Variants in NIPAL3 observed in about 807,000 individuals in gnomAD.
The protein encoded by NIPAL3 is NIPA-like protein 3.
A neutral mutation model predicts 47.2 loss-of-function variants in NIPAL3; 41 were observed. That is an observed-to-expected ratio of 0.87 (90% confidence interval 0.68 to 1.13). The LOEUF (loss-of-function observed/expected upper bound fraction) is 1.13, where lower values mean the gene tolerates loss of function less well. Ranked by LOEUF, NIPAL3 falls within the 50% of genes most tolerant of loss-of-function variation. The pLI, the probability that NIPAL3 is intolerant of heterozygous loss-of-function variation, is 0.00. For missense variants in NIPAL3, 449 were observed against 530.1 expected, an observed-to-expected ratio of 0.85 and a Z score of 1.50; for synonymous variants, 194 against 209.6, an observed-to-expected ratio of 0.93 and a Z score of 0.64.
At chr1:24,447,933 C>G (rs1645749001) in intron 5 of NIPAL3, among the ~76,000 whole-genome samples, 1 of 152,236 alleles carries the variant, frequency 6.6e-6, no homozygotes, top group South Asian at 2.1e-4. Flanking sequence ...CCTGGAGTTC[C>G]ATTACATTCA....
At chr1:24,447,697 G>A (rs923154990) in intron 5 of NIPAL3, among the ~76,000 whole-genome samples, 1 of 152,248 alleles carries the variant, frequency 6.6e-6, no homozygotes, top group Non-Finnish European at 1.5e-5. Flanking sequence ...CACTATAGAA[G>A]TTTGCATCCC....
rs1644206710 is a variant in NIPAL3 at position 24,419,349 on chromosome 1, T to C, written c.-199T>C. 1 of 1,278,088 alleles carries C rather than the reference T, an allele frequency of 7.8e-7. No homozygotes were observed. Among genetic ancestry groups the C allele is most frequent in the Non-Finnish European group, 9.9e-7 (1 of 1,013,880 alleles). 79.2% of individuals were successfully genotyped at this position (1,278,088 alleles called of 1,614,324 possible). On this transcript the variant is annotated 5_prime_UTR_variant, in exon 2 of 12. Transcript: ENST00000374399. ...TGTCTGCCTGGGAGAGCCACGGAAA[T>C]TGGCACTTCTCTGAGTGAAGCTGAG...
chr1:24,442,863 G>C (rs1472711881), intron 4 of NIPAL3, among the ~76,000 whole-genome samples: 1 of 152,198 alleles, frequency 6.6e-6, no homozygotes, highest in Non-Finnish European at 1.5e-5. Flanking sequence ...CTAGCTACTT[G>C]GGAAACAGAA....
At chr1:24,450,029 C>T (rs777888611) in intron 6 of NIPAL3, among the ~76,000 whole-genome samples, 4 of 152,140 alleles carry the variant, frequency 2.6e-5, no homozygotes, top group Non-Finnish European at 5.9e-5. Flanking sequence ...CCTCAAGTGC[C>T]CCCCAGCAGT....
At chr1:24,453,682 T>G (rs1377378329) in intron 7 of NIPAL3, among the ~76,000 whole-genome samples, 178 bp downstream of exon 7, 1 of 152,050 alleles carries the variant, frequency 6.6e-6, no homozygotes, top group Non-Finnish European at 1.5e-5. Flanking sequence ...GGAGGCAAAC[T>G]CCTGTGCTCC....
Position 24,425,318 on chromosome 1 carries a change from G to T in NIPAL3, c.93+5678G>T, listed in dbSNP as rs1253947011. 4.3e-5 allele frequency among the ~76,000 whole-genome samples: 6 copies of T among 139,064 alleles called. No individual in the cohort carries two copies. The East Asian group carries it at 1.2e-3, about 29-fold the overall frequency. The allele number at this position is 139,064 out of a possible 152,430, so 91.2% of individuals were successfully genotyped here. A position where few individuals can be genotyped will look rare whatever the true frequency, so the allele number is the denominator to read the frequency against. ...TAAAACATTATGAGATTTTTTTTGCGATTTTTTTTAAGCTCATCAGTGGCT... is the reference window on the plus strand; with the variant it reads ...TAAAACATTATGAGATTTTTTTTGCTATTTTTTTTAAGCTCATCAGTGGCT... On this transcript the variant is annotated intron_variant, in intron 2 of 11. Transcript: ENST00000374399.
In NIPAL3 at chr1:24,416,599, G is replaced by T. The variant is rs1482718536; in HGVS notation, c.-258+695G>T. On this transcript the variant is annotated intron_variant, in intron 1 of 11. Transcript: ENST00000374399. This position sits in a 1 kb window ranked among gnomAD's most constrained non-coding sequence, Gnocchi z 4.8. ...TAGTGAATTCTCATTCCTTCCTTGG[G>T]TCAGTGACCACGTGCTCTAATTGTG... 1 of 152,888 alleles carries T rather than the reference G, an allele frequency of 6.5e-6. No individual in the cohort carries two copies. Among genetic ancestry groups the T allele is most frequent in the East Asian group, 1.9e-4 (1 of 5,198 alleles). 9.5% of individuals were successfully genotyped at this position (152,888 alleles called of 1,614,324 possible). A position where few individuals can be genotyped will look rare whatever the true frequency, so the allele number is the denominator to read the frequency against.
At chr1:24,465,904 C>G (rs1646678156) in intron 11 of NIPAL3, 2 of 1,422,800 alleles carry the variant, frequency 1.4e-6, no homozygotes, top group Admixed American at 3.0e-5. Context: ...GTAGAACATG[C>G]AGAATAAAAC....
chr1:24,418,450 C>A (rs543763208), intron 1 of NIPAL3, among the ~76,000 whole-genome samples: 1 of 151,872 alleles, frequency 6.6e-6, no homozygotes, highest in Non-Finnish European at 1.5e-5. Flanking sequence ...GATAACATGG[C>A]GAAACCCTGT....
chr1:24,418,709 C>A (rs527506262), intron 1 of NIPAL3, among the ~76,000 whole-genome samples: 4 of 152,272 alleles, frequency 2.6e-5, no homozygotes, highest in Admixed American at 2.0e-4. Flanking sequence ...TTATTACCCC[C>A]ACTTTACAGA....
In NIPAL3 at chr1:24,460,542, G is replaced by A; in HGVS notation, c.924G>A (p.Leu308=). ...TGCTGCACATCTGCATGTTTGCACT[G>A]GGGTGAGTTCTGTCCTGCTTGCCAG... The part of the protein sequence containing the change: ...EDVLHICMFA[L]GCLIAFLGVF... The change falls in exon 10 of 12, where the codon CTG becomes CTA. Residue 308 remains leucine, a splice_region_variant and synonymous_variant. Coordinates refer to ENST00000374399, the MANE Select transcript of NIPAL3 (RefSeq NM_020448.5). 6.3e-7 allele frequency: 1 copy of A among 1,580,284 alleles called. No homozygotes were observed. Among genetic ancestry groups the A allele is most frequent in the Non-Finnish European group, 8.6e-7 (1 of 1,167,624 alleles).
At chr1:24,447,448 C>A (rs1352464099) in intron 5 of NIPAL3, among the ~76,000 whole-genome samples, 1 of 151,812 alleles carries the variant, frequency 6.6e-6, no homozygotes, top group Admixed American at 6.6e-5. Context: ...GAGAAAATTT[C>A]CAAGATGTTG....
intron 2 of NIPAL3, among the ~76,000 whole-genome samples, chr1:24,423,378 C>A (rs749663893): frequency 1.3e-5 from 2 of 152,192 alleles, no homozygotes; most frequent in Non-Finnish European, 2.9e-5. Flanking sequence ...GAGGCACTCA[C>A]GCCTGTAATC....
chr1:24,435,087 T>C (rs1166337854), intron 2 of NIPAL3, among the ~76,000 whole-genome samples: 1 of 152,064 alleles, frequency 6.6e-6, no homozygotes, highest in African/African-American at 2.4e-5. Flanking sequence ...GAATTCAGAG[T>C]CCAGAAATTA....
At chr1:24,452,175 A>G (rs1205545201) in intron 6 of NIPAL3, among the ~76,000 whole-genome samples, 2 of 152,098 alleles carry the variant, frequency 1.3e-5, no homozygotes, top group Non-Finnish European at 2.9e-5. Context: ...ACTTCTTGGG[A>G]AAGTGTTAGC....
Position 24,454,501 on chromosome 1 carries a change from A to G in NIPAL3, c.637+997A>G. 2.0e-6 allele frequency: 2 copies of G among 992,112 alleles called. No homozygotes were observed. Among genetic ancestry groups the G allele is most frequent in the South Asian group, 9.0e-5 (2 of 22,178 alleles). The allele number at this position is 992,112 out of a possible 1,614,324, so 61.5% of individuals were successfully genotyped here. On this transcript the variant is annotated intron_variant, in intron 7 of 11. Coordinates refer to ENST00000374399, the MANE Select transcript of NIPAL3 (RefSeq NM_020448.5). The surrounding 1 kb of genome is among the most constrained non-coding windows in gnomAD (Gnocchi z 4.1). The stretch of plus-strand genomic sequence containing the variant: ...GTGTGCCCTACCACCGCCACAAGCC[A>G]TCAACCAAATAGATACCTGTCACCG...
At chr1:24,415,166 G>A (rs956275132), upstream of NIPAL3, 9 of 152,180 alleles carry the variant, frequency 5.9e-5, no homozygotes, top group African/African-American at 1.4e-4. Context: ...AAAACTCCAT[G>A]CGCATGTTAA....
chr1:24,451,111 A>T lies in NIPAL3; in HGVS notation c.540+1485A>T, dbSNP rs1645915893. On this transcript the variant is annotated intron_variant, in intron 6 of 11. Coordinates refer to ENST00000374399, the MANE Select transcript of NIPAL3 (RefSeq NM_020448.5). The surrounding 1 kb of genome is among the most constrained non-coding windows in gnomAD (Gnocchi z 4.5). ...AAGAATCTCTGGACTTAAAATTGCT[A>T]TTGGGAGATCCAGGAAGTAGCATTT... Among the ~76,000 whole-genome samples, 1 of 152,184 alleles carries T rather than the reference A, an allele frequency of 6.6e-6. No individual in the cohort carries two copies. Among genetic ancestry groups the T allele is most frequent in the South Asian group, 2.1e-4 (1 of 4,826 alleles).
In NIPAL3 at chr1:24,469,303, G is replaced by T. The variant is rs1646829024; in HGVS notation, c.*118G>T. On this transcript the variant is annotated 3_prime_UTR_variant, in exon 12 of 12. Coordinates refer to ENST00000374399, the MANE Select transcript of NIPAL3 (RefSeq NM_020448.5). Reference sequence around the variant, plus strand: ...TCTAACTGAGAACTCTATGGATGATGATCTCAAAAAGCCTTTGTCTCTGGG... The same window carrying T: ...TCTAACTGAGAACTCTATGGATGATTATCTCAAAAAGCCTTTGTCTCTGGG... 20 of 815,720 alleles carry T rather than the reference G, an allele frequency of 2.5e-5. No homozygotes were observed. The South Asian group carries it at 3.1e-4, about 13-fold the overall frequency. 50.5% of individuals were successfully genotyped at this position (815,720 alleles called of 1,614,324 possible).
Sources: allele counts gnomAD v4.1 joint callset (sites outside exome capture counted in the v4.1 genomes callset), GRCh38; gene constraint gnomAD v4.1.1; non-coding constraint Gnocchi (gnomAD v3.1); transcripts MANE v1.5; gene names NCBI Gene and HGNC (gene_info 2026-07-23, HGNC 2026-07-21).